FMNL2: variants seen among roughly 807,000 people sequenced by gnomAD.
FMNL2 encodes formin-like protein 2.
FMNL2 carries 51 observed loss-of-function variants against 130.2 expected under a neutral mutation model. That is an observed-to-expected ratio of 0.39 (90% confidence interval 0.31 to 0.49). The LOEUF is 0.49. FMNL2 is among the 20% of genes least tolerant of loss of function. The pLI, the probability that FMNL2 is intolerant of heterozygous loss-of-function variation, is 0.85. For missense variants in FMNL2, 977 were observed against 1,316.2 expected, an observed-to-expected ratio of 0.74 and a Z score of 3.99; for synonymous variants, 465 against 467.1, an observed-to-expected ratio of 1.00 and a Z score of 0.06.
At chr2:152,374,563 G>A (rs942110830) in intron 1 of FMNL2, among the ~76,000 whole-genome samples, 3 of 152,058 alleles carry the variant, frequency 2.0e-5, no homozygotes, top group South Asian at 2.1e-4. Context: ...AAAATGACGC[G>A]GATTATGGAA....
chr2:152,401,027 G>A (rs574055457), intron 1 of FMNL2, among the ~76,000 whole-genome samples: 11 of 152,348 alleles, frequency 7.2e-5, no homozygotes, highest in African/African-American at 2.4e-4. Flanking sequence ...AAAGTTACAT[G>A]TAGGAAGATG....
intron 25 of FMNL2, among the ~76,000 whole-genome samples, chr2:152,646,742 C>T (rs1683616494): frequency 6.6e-6 from 1 of 152,118 alleles, no homozygotes; most frequent in Middle Eastern, 3.2e-3. Flanking sequence ...AGCATGTATT[C>T]TAGCAGAAGT....
At chr2:152,573,621 G>A (rs947888696) in intron 6 of FMNL2, among the ~76,000 whole-genome samples, 1 of 152,104 alleles carries the variant, frequency 6.6e-6, no homozygotes, top group Non-Finnish European at 1.5e-5. Flanking sequence ...GTTATTGGTC[G>A]TGATGGAGGT....
At chr2:152,486,470 C>G (rs1459764197) in intron 1 of FMNL2, among the ~76,000 whole-genome samples, 1 of 152,194 alleles carries the variant, frequency 6.6e-6, no homozygotes, top group East Asian at 1.9e-4. Flanking sequence ...CCTCAATTAA[C>G]TAGGATTACT....
chr2:152,339,511 C>T (rs1681677655), intron 1 of FMNL2, among the ~76,000 whole-genome samples: 1 of 152,174 alleles, frequency 6.6e-6, no homozygotes, highest in Non-Finnish European at 1.5e-5. Context: ...CCCTTGGATG[C>T]CTTTGTTGAA....
chr2:152,632,383 C>T (rs2105937162), intron 21 of FMNL2, among the ~76,000 whole-genome samples: 1 of 152,268 alleles, frequency 6.6e-6, no homozygotes, highest in Non-Finnish European at 1.5e-5. Flanking sequence ...CATGTCCCTT[C>T]CCTCTTTTAT....
chr2:152,632,154 A>G lies in FMNL2; in HGVS notation c.2680+17A>G, dbSNP rs2105936433. On this transcript the variant is annotated intron_variant, in intron 21 of 25. Transcript: ENST00000288670. Reference sequence around the variant, plus strand: ...CTGCTGCAGGTACTTGATTTCAGCTATTACCGTTCGTCTTGGGTATTTAAT... The same window carrying G: ...CTGCTGCAGGTACTTGATTTCAGCTGTTACCGTTCGTCTTGGGTATTTAAT... 6.2e-7 allele frequency: 1 copy of G among 1,606,616 alleles called. No homozygotes were observed. The highest frequency in any genetic ancestry group is 2.2e-5 in the East Asian group (1 of 44,784).
chr2:152,583,578 A>G (rs1206423763), intron 9 of FMNL2, among the ~76,000 whole-genome samples: 2 of 152,166 alleles, frequency 1.3e-5, no homozygotes, highest in Non-Finnish European at 2.9e-5. Context: ...TCTCAGAACT[A>G]TGGTGCTACC....
intron 25 of FMNL2, chr2:152,643,432 G>A: frequency 6.5e-7 from 1 of 1,536,046 alleles, no homozygotes; most frequent in Non-Finnish European, 8.7e-7. Flanking sequence ...TGAAGACTGT[G>A]CCCTTTACTG....
chr2:152,389,933 C>T (rs1685008823), intron 1 of FMNL2: 4 of 1,115,932 alleles, frequency 3.6e-6, no homozygotes, highest in Admixed American at 1.9e-5. Flanking sequence ...GCCGGGCTGG[C>T]CAAGGAAGCC....
At chr2:152,619,411 A>G (rs1377422553) in intron 14 of FMNL2, 98 bp from the exon 15 acceptor site, 1 of 1,517,654 alleles carries the variant, frequency 6.6e-7, no homozygotes, top group African/African-American at 1.4e-5. Context: ...TGTCCTTTTA[A>G]GTGTGTTGTT....
At chr2:152,528,504 C>CTCCA (rs1693519530) in intron 2 of FMNL2, among the ~76,000 whole-genome samples, 1 of 152,160 alleles carries the variant, frequency 6.6e-6, no homozygotes, top group Non-Finnish European at 1.5e-5. Flanking sequence ...CAATCTCTGC[C>CTCCA]TCCATCCTTA....
At chr2:152,497,002 T>C (rs1399742835) in intron 1 of FMNL2, among the ~76,000 whole-genome samples, 4 of 152,082 alleles carry the variant, frequency 2.6e-5, no homozygotes, top group Admixed American at 2.6e-4. Context: ...GAAACCAAAA[T>C]TTGGTGCTAG....
chr2:152,472,481 C>T (rs1169636457), intron 1 of FMNL2, among the ~76,000 whole-genome samples: 2 of 152,188 alleles, frequency 1.3e-5, no homozygotes, highest in African/African-American at 4.8e-5. Flanking sequence ...CCAACCTGAC[C>T]TCAGCTAAAG....
chr2:152,647,861 G>A lies in FMNL2; in HGVS notation c.3235G>A (p.Asp1079Asn). The stretch of plus-strand genomic sequence containing the variant: ...GAGAAGCGTCAGGCGGCGCTTTGAT[G>A]ATCAGAACTTGCGTTCTGTTAATGG... ...VRRSVRRRFD[D>N]QNLRSVNGAE... Residue 1079 changes from aspartate to asparagine, a missense_variant, in exon 26 of 26, where the codon GAT (aspartate) becomes AAT (asparagine). By Grantham distance (23) the Asp-to-Asn change is conservative. Around this residue, in one of 4 missense-constraint regions of FMNL2, gnomAD observed 168 missense variants for 168.8 expected, o/e 1.00. Transcript: ENST00000288670. 1 of 1,613,896 alleles carries A rather than the reference G, an allele frequency of 6.2e-7. No homozygotes were observed. The highest frequency in any genetic ancestry group is 8.5e-7 in the Non-Finnish European group (1 of 1,179,834).
At chr2:152,432,060 G>T (rs1357119209) in intron 1 of FMNL2, among the ~76,000 whole-genome samples, 1 of 149,380 alleles carries the variant, frequency 6.7e-6, no homozygotes, top group Non-Finnish European at 1.5e-5. Context: ...TCTGTTATCT[G>T]TGTGTATGTG....
At chr2:152,372,206 G>C (rs12471256) in intron 1 of FMNL2, among the ~76,000 whole-genome samples, 15,500 of 152,232 alleles carry the variant, frequency 0.1, 1,970 homozygotes, top group East Asian at 0.62. Flanking sequence ...TATTTGGCAT[G>C]CATTATTAGC....
intron 6 of FMNL2, among the ~76,000 whole-genome samples, chr2:152,564,736 A>G (rs1346984613): frequency 2.0e-5 from 3 of 146,496 alleles, no homozygotes; most frequent in Non-Finnish European, 4.6e-5. Context: ...CAATCTCAAG[A>G]AAAAAAAAGA....
intron 1 of FMNL2, among the ~76,000 whole-genome samples, chr2:152,494,605 G>A (rs1472448611): frequency 1.3e-5 from 2 of 152,210 alleles, no homozygotes; most frequent in Non-Finnish European, 2.9e-5. Context: ...CATTTGATTT[G>A]AGAATTGTCG....
Sources: allele counts gnomAD v4.1 joint callset (sites outside exome capture counted in the v4.1 genomes callset), GRCh38; gene constraint gnomAD v4.1.1; regional missense constraint gnomAD v4.1.1; transcripts MANE v1.5; gene names NCBI Gene and HGNC (gene_info 2026-07-23, HGNC 2026-07-21).